Variants in SLC35F4 observed in about 807,000 individuals in gnomAD.
SLC35F4 encodes the protein solute carrier family 35 member F4, also known as chromosome 14 open reading frame 36.
Under a neutral mutation model 44.2 loss-of-function variants are expected in SLC35F4, and 24 were observed. The observed-to-expected ratio is 0.54, with a 90% CI of 0.39 to 0.76. The LOEUF (loss-of-function observed/expected upper bound fraction) is 0.76. SLC35F4 is among the 30% of genes least tolerant of loss of function. The pLI is 0.00. For synonymous variants in SLC35F4, 238 were observed against 223.6 expected (o/e 1.06, Z -0.57); for missense variants, 562 against 586.1 (o/e 0.96, Z 0.42).
At chr14:57,692,516 G>C (rs747106544) in intron 1 of SLC35F4, among the ~76,000 whole-genome samples, 1 of 151,966 alleles carries the variant, frequency 6.6e-6, no homozygotes, top group African/African-American at 2.4e-5. Context: ...TTAATCTGAC[G>C]AAGTTCCCTG....
upstream of SLC35F4, among the ~76,000 whole-genome samples, chr14:57,868,761 G>A (rs901346202): frequency 6.6e-6 from 1 of 152,198 alleles, no homozygotes; most frequent in African/African-American, 2.4e-5. Context: ...ACCGTGCCCG[G>A]CGGAAGGAAG....
intron 1 of SLC35F4, among the ~76,000 whole-genome samples, chr14:57,652,153 T>A (rs2073806016): frequency 6.6e-6 from 1 of 152,250 alleles, no homozygotes; most frequent in African/African-American, 2.4e-5. Context: ...TTAAGAAGTA[T>A]GTCTAACTTC....
At chr14:57,874,869 AT>A (rs1888366854) in intron 1 of SLC35F4, among the ~76,000 whole-genome samples, 1 of 152,214 alleles carries the variant, frequency 6.6e-6, no homozygotes, top group East Asian at 1.9e-4. Context: ...GACGATGTCT[AT>A]TTTCCAAAGT....
At chr14:57,921,941 C>G (rs566098291) in intron 1 of SLC35F4, among the ~76,000 whole-genome samples, 78 of 152,274 alleles carry the variant, frequency 5.1e-4, no homozygotes, top group African/African-American at 1.7e-3. Context: ...AAAATGTTAA[C>G]TGCTGATTTC....
chr14:57,889,936 T>A (rs556790022), intron 1 of SLC35F4, among the ~76,000 whole-genome samples: 1 of 152,158 alleles, frequency 6.6e-6, no homozygotes, highest in African/African-American at 2.4e-5. Flanking sequence ...AACAGATAAG[T>A]TTTTATCTGC....
intron 1 of SLC35F4, among the ~76,000 whole-genome samples, chr14:57,839,327 G>C (rs1885261325): frequency 6.6e-6 from 1 of 152,094 alleles, no homozygotes; most frequent in Admixed American, 6.6e-5. Flanking sequence ...TCTTGACCCG[G>C]CCTGCATCAG....
At chr14:57,670,099 T>A (rs2074462327) in intron 1 of SLC35F4, among the ~76,000 whole-genome samples, 1 of 152,148 alleles carries the variant, frequency 6.6e-6, no homozygotes. Context: ...TTCTTCTGGA[T>A]TTTCTGGTTT....
intron 1 of SLC35F4, among the ~76,000 whole-genome samples, chr14:57,745,436 C>T (rs1566816866): frequency 6.6e-6 from 1 of 152,188 alleles, no homozygotes; most frequent in Non-Finnish European, 1.5e-5. Flanking sequence ...TGTGAACAGA[C>T]ACTTTTCAAA....
chr14:57,679,403 A>C (rs2074812506), intron 1 of SLC35F4, among the ~76,000 whole-genome samples: 4 of 152,154 alleles, frequency 2.6e-5, no homozygotes, highest in African/African-American at 9.7e-5. Context: ...ACAGCACTAA[A>C]TGCCCACAGG....
At chr14:57,775,944 T>C (rs1315730562) in intron 1 of SLC35F4, among the ~76,000 whole-genome samples, 2 of 152,086 alleles carry the variant, frequency 1.3e-5, no homozygotes, top group Non-Finnish European at 2.9e-5. Flanking sequence ...ATAGCCAGTG[T>C]AGAAAAGAAT....
chr14:57,674,296 G>T (rs1457676509), intron 1 of SLC35F4, among the ~76,000 whole-genome samples: 2 of 152,202 alleles, frequency 1.3e-5, no homozygotes, highest in Admixed American at 1.3e-4. Context: ...TTTGGGAAAA[G>T]GTTTGTCAGT....
At chr14:57,908,358 G>A (rs970142730) in intron 1 of SLC35F4, among the ~76,000 whole-genome samples, 2 of 152,190 alleles carry the variant, frequency 1.3e-5, no homozygotes, top group South Asian at 2.1e-4. Context: ...GATCCTTGAG[G>A]AATTGCCATA....
At chr14:57,942,195 G>C (rs150356714) in intron 1 of SLC35F4, among the ~76,000 whole-genome samples, 340 of 152,292 alleles carry the variant, frequency 2.2e-3, no homozygotes, top group African/African-American at 7.8e-3. Context: ...TCTTCTTACA[G>C]AGAATGTTCC....
chr14:57,791,828 G>T (rs1472574452), intron 1 of SLC35F4, among the ~76,000 whole-genome samples: 4 of 152,126 alleles, frequency 2.6e-5, no homozygotes, highest in African/African-American at 9.7e-5. Flanking sequence ...CATGGATAAA[G>T]CTGGAAACCA....
intron 1 of SLC35F4, among the ~76,000 whole-genome samples, chr14:57,628,952 A>C (rs2072622155): frequency 6.6e-6 from 1 of 152,180 alleles, no homozygotes; most frequent in Non-Finnish European, 1.5e-5. Flanking sequence ...GAGAATGAAC[A>C]GTGATGATAA....
At chr14:57,851,481 C>T (rs1394281045) in intron 1 of SLC35F4, among the ~76,000 whole-genome samples, 7 of 152,260 alleles carry the variant, frequency 4.6e-5, no homozygotes, top group African/African-American at 1.7e-4. Context: ...CACTGTTATA[C>T]ACTGTAAAAC....
chr14:57,953,160 A>T (rs111720150), intron 1 of SLC35F4, among the ~76,000 whole-genome samples: 4 of 152,158 alleles, frequency 2.6e-5, no homozygotes, highest in South Asian at 2.1e-4. Flanking sequence ...AGTAATTTTC[A>T]ACCCAGAATA....
intron 1 of SLC35F4, among the ~76,000 whole-genome samples, chr14:57,891,653 A>C (rs1363757088): frequency 6.6e-6 from 1 of 152,138 alleles, no homozygotes; most frequent in Non-Finnish European, 1.5e-5. Flanking sequence ...CAAGGCAGGC[A>C]TATCACGAGA....
At chr14:57,619,065 C>A (rs2072026462) in intron 1 of SLC35F4, among the ~76,000 whole-genome samples, 1 of 152,176 alleles carries the variant, frequency 6.6e-6, no homozygotes, top group Non-Finnish European at 1.5e-5. Flanking sequence ...ATAAAACCCC[C>A]ATCTCCCTGG....
Sources: gnomAD v4.1 joint callset for allele counts (sites outside exome capture counted in the v4.1 genomes callset) on GRCh38, gnomAD v4.1.1 for gene constraint, MANE v1.5 for transcripts, NCBI Gene and HGNC (gene_info 2026-07-23, HGNC 2026-07-21) for gene names.